Variants in RBMS3 observed in about 807,000 individuals in gnomAD.
The protein encoded by RBMS3 is RNA binding motif single stranded interacting protein 3.
RBMS3 carries 27 observed loss-of-function variants against 66.8 expected under a neutral mutation model. That is an observed-to-expected ratio of 0.40 (90% confidence interval 0.30 to 0.56). The LOEUF is 0.56. Among genes scored for constraint, RBMS3 ranks in the 20% least tolerant of loss-of-function variants. The probability of loss-of-function intolerance (pLI) is 0.40; values close to 1 mark genes in which losing one functional copy is unlikely to be tolerated. For synonymous variants in RBMS3, 188 were observed against 183.0 expected, an observed-to-expected ratio of 1.03 and a Z score of -0.22; for missense variants, 513 against 549.5, an observed-to-expected ratio of 0.93 and a Z score of 0.66.
At chr3:29,391,935 A>G (rs9865957) in intron 1 of RBMS3, among the ~76,000 whole-genome samples, 7,130 of 152,288 alleles carry the variant, frequency 0.047, 261 homozygotes, top group African/African-American at 0.097. Context: ...AATTATAGCC[A>G]TGATAAATAA....
At chr3:29,762,066 T>G (rs1361232254) in intron 5 of RBMS3, among the ~76,000 whole-genome samples, 1 of 152,160 alleles carries the variant, frequency 6.6e-6, no homozygotes, top group East Asian at 1.9e-4. Context: ...ATGGTAACAT[T>G]GCCAAAATTT....
chr3:29,526,824 CCT>C (rs1358190706), intron 3 of RBMS3, among the ~76,000 whole-genome samples: 4 of 151,818 alleles, frequency 2.6e-5, no homozygotes, highest in Non-Finnish European at 4.4e-5. Context: ...CCAATTCCTC[CCT>C]CTCTTTCTCT....
intron 6 of RBMS3, among the ~76,000 whole-genome samples, chr3:29,805,691 T>C (rs1410455817): frequency 1.3e-5 from 2 of 152,048 alleles, no homozygotes; most frequent in Non-Finnish European, 2.9e-5. Context: ...AATAAGGATA[T>C]TAAGAAAATT....
intron 6 of RBMS3, among the ~76,000 whole-genome samples, chr3:29,826,454 G>A (rs932881176): frequency 5.3e-5 from 8 of 152,006 alleles, no homozygotes; most frequent in East Asian, 3.9e-4. Flanking sequence ...CTAATTTAAC[G>A]TATAACTCTT....
intron 1 of RBMS3, among the ~76,000 whole-genome samples, chr3:29,318,642 T>C (rs959629618): frequency 4.6e-5 from 7 of 151,956 alleles, no homozygotes; most frequent in African/African-American, 1.7e-4. Context: ...TCACAACCAA[T>C]GTAGGTCATC....
intron 3 of RBMS3, among the ~76,000 whole-genome samples, chr3:29,575,054 T>C (rs1360321922): frequency 6.6e-6 from 1 of 152,220 alleles, no homozygotes; most frequent in Non-Finnish European, 1.5e-5. Context: ...TATACAATTC[T>C]GTGTTTTTCT....
At chr3:29,457,898 C>A (rs980821737) in intron 2 of RBMS3, among the ~76,000 whole-genome samples, 2 of 150,792 alleles carry the variant, frequency 1.3e-5, no homozygotes, top group Non-Finnish European at 2.9e-5. Context: ...CTTTTGCCTA[C>A]AGGCTTTTAT....
chr3:29,427,466 T>C (rs2041002976), intron 1 of RBMS3, among the ~76,000 whole-genome samples: 1 of 152,206 alleles, frequency 6.6e-6, no homozygotes, highest in South Asian at 2.1e-4. Flanking sequence ...GTGTTCACAC[T>C]AGAGGAGAGG....
intron 3 of RBMS3, among the ~76,000 whole-genome samples, chr3:29,493,174 A>G (rs2043614750): frequency 1.3e-5 from 2 of 152,234 alleles, no homozygotes; most frequent in Non-Finnish European, 2.9e-5. Context: ...TGGTAGTCAT[A>G]AAGACTAGAT....
chr3:29,479,232 A>G (rs555280293), intron 2 of RBMS3, among the ~76,000 whole-genome samples: 3 of 151,882 alleles, frequency 2.0e-5, no homozygotes, highest in Non-Finnish European at 2.9e-5. Flanking sequence ...TGCAATAAAT[A>G]TGTATACTGC....
intron 1 of RBMS3, among the ~76,000 whole-genome samples, chr3:29,302,290 GC>G (rs2033729621): frequency 6.6e-6 from 1 of 152,030 alleles, no homozygotes; most frequent in African/African-American, 2.4e-5. Flanking sequence ...GGGATTACAG[GC>G]GTGAGCTACA....
intron 4 of RBMS3, among the ~76,000 whole-genome samples, chr3:29,701,214 TTG>T (rs1330940189): frequency 1.3e-5 from 2 of 151,492 alleles, no homozygotes; most frequent in African/African-American, 4.9e-5. Flanking sequence ...GAGGCAGAGG[TTG>T]CAGTGAGCTG....
intron 3 of RBMS3, among the ~76,000 whole-genome samples, chr3:29,574,733 G>GT (rs142133945): frequency 6.6e-6 from 1 of 151,426 alleles, no homozygotes; most frequent in South Asian, 2.1e-4. Context: ...TCCATTGTGT[G>GT]TTTTTTTGAT....
chr3:29,812,995 T>C (rs940374604), intron 6 of RBMS3, among the ~76,000 whole-genome samples: 1 of 152,068 alleles, frequency 6.6e-6, no homozygotes, highest in African/African-American at 2.4e-5. Flanking sequence ...GTAGTACCTG[T>C]TATTTTCATC....
intron 1 of RBMS3, among the ~76,000 whole-genome samples, chr3:29,287,167 G>T (rs1297984942): frequency 6.6e-6 from 1 of 152,050 alleles, no homozygotes; most frequent in Non-Finnish European, 1.5e-5. Flanking sequence ...TTTTGGATGT[G>T]CTTAGAAAAT....
At chr3:29,733,985 T>C (rs2054254566) in intron 4 of RBMS3, among the ~76,000 whole-genome samples, 1 of 152,012 alleles carries the variant, frequency 6.6e-6, no homozygotes, top group Admixed American at 6.6e-5. Context: ...TATCCAGTTT[T>C]TATAGCACCA....
chr3:29,735,841 A>G (rs2054355965), intron 4 of RBMS3, among the ~76,000 whole-genome samples: 1 of 152,230 alleles, frequency 6.6e-6, no homozygotes. Context: ...TGGGCAAGTC[A>G]TAATCTCACC....
chr3:29,562,671 T>G (rs77230284), intron 3 of RBMS3, among the ~76,000 whole-genome samples: 1 of 152,200 alleles, frequency 6.6e-6, no homozygotes, highest in African/African-American at 2.4e-5. Context: ...AGGATCTATC[T>G]TGAGTTGTTA....
At chr3:29,528,732 T>C (rs1250594013) in intron 3 of RBMS3, among the ~76,000 whole-genome samples, 1 of 152,070 alleles carries the variant, frequency 6.6e-6, no homozygotes, top group Non-Finnish European at 1.5e-5. Flanking sequence ...AAAATTGCTT[T>C]CTTATATTAT....
Sources: gnomAD v4.1 joint callset for allele counts (sites outside exome capture counted in the v4.1 genomes callset) on GRCh38, gnomAD v4.1.1 for gene constraint, MANE v1.5 for transcripts, NCBI Gene and HGNC (gene_info 2026-07-23, HGNC 2026-07-21) for gene names.